ZNF552: variants seen among roughly 807,000 people sequenced by gnomAD.
The protein encoded by ZNF552 is zinc finger protein 552.
ZNF552 carries 2 observed loss-of-function variants against 7.2 expected under a neutral mutation model. The ratio of observed to expected loss-of-function variants is 0.28; its 90% CI spans 0.11 to 0.88. The LOEUF is 0.88. Ranked by LOEUF, ZNF552 falls within the 40% of genes least tolerant of loss-of-function variation. The probability of loss-of-function intolerance (pLI) is 0.60; values close to 1 mark genes in which losing one functional copy is unlikely to be tolerated. For synonymous variants in ZNF552, 173 were observed against 176.5 expected, an observed-to-expected ratio of 0.98 and a Z score of 0.16; for missense variants, 421 against 493.4, an observed-to-expected ratio of 0.85 and a Z score of 1.39.
intron 2 of ZNF552, among the ~76,000 whole-genome samples, chr19:57,812,425 A>C (rs1987874870): frequency 6.6e-6 from 1 of 152,106 alleles, no homozygotes; most frequent in Non-Finnish European, 1.5e-5. Context: ...TCTTCTGACC[A>C]CAGAAGATGA....
chr19:57,812,028 CAAAAAAAAA>C lies in ZNF552; in HGVS notation c.160+1257_160+1265del, dbSNP rs35699223. On this transcript the variant is annotated intron_variant, in intron 2 of 2. Transcript: ENST00000391701. The stretch of plus-strand genomic sequence containing the variant: ...TGGGCAACAAAGTGAGACTCTGTCT[CAAAAAAAAA>C]AAAAAAAAAAAAAATTAGCTGGGCA... Among the ~76,000 whole-genome samples, 494 of 63,762 alleles carry C rather than the reference CAAAAAAAAA, an allele frequency of 7.7e-3. 4 individuals carry two copies. The highest frequency in any genetic ancestry group is 0.029 in the African/African-American group (458 of 15,566). The allele number at this position is 63,762 out of a possible 152,430, so 41.8% of individuals were successfully genotyped here.
Position 57,807,949 on chromosome 19 carries a change from T to C in ZNF552, c.*91A>G, listed in dbSNP as rs1987772699. On this transcript the variant is annotated 3_prime_UTR_variant, in exon 3 of 3. Transcript: ENST00000391701. ...CTCCAATATCCAAGGAGAGCAGACC[T>C]TTGGGTAAACATTTTCCACATTTGC... 27 of 1,447,292 alleles carry C rather than the reference T, an allele frequency of 1.9e-5. No homozygotes were observed. In the South Asian group the frequency reaches 3.6e-4, roughly 19 times the overall value. The allele number at this position is 1,447,292 out of a possible 1,614,324, so 89.7% of individuals were successfully genotyped here.
chr19:57,808,047 C>A lies in ZNF552; in HGVS notation c.1217G>T (p.Gly406Val). ...RHHQRVHKRKGL is the reference protein window; with the variant it reads ...RHHQRVHKRKVL The stretch of plus-strand genomic sequence containing the variant: ...AGACTGGACTCACTGCACTCATAAG[C>A]CCTTTCTTTTGTGAACTCTCTGATG... The change falls in exon 3 of 3, where the codon GGC (glycine) becomes GTC (valine). Residue 406 changes from glycine (G) to valine (V), a missense_variant. By Grantham distance (109) the Gly-to-Val change is moderately radical (BLOSUM62 -3). Coordinates refer to ENST00000391701, the MANE Select transcript of ZNF552 (RefSeq NM_024762.3). The A allele has an allele frequency of 6.2e-7, 1 of 1,608,208 alleles. No individual in the cohort carries two copies. Among genetic ancestry groups the A allele is most frequent in the Middle Eastern group, 1.7e-4 (1 of 6,028 alleles).
In ZNF552 at chr19:57,811,102, G is replaced by A. The variant is rs376937295; in HGVS notation, c.161-1999C>T. ...CTGAAGGAACTCGGAGACTGGTGGC[G>A]GCAGGGGGAAGGCAGGGTTCCTCCG... is the stretch of plus-strand genomic sequence containing the variant. On this transcript the variant is annotated intron_variant, in intron 2 of 2. Coordinates refer to ENST00000391701, the MANE Select transcript of ZNF552 (RefSeq NM_024762.3). Among the ~76,000 whole-genome samples the A allele has an allele frequency of 2.1e-3, 313 of 152,136 alleles. 2 individuals are homozygous for A. Among genetic ancestry groups the A allele is most frequent in the African/African-American group, 7.1e-3 (296 of 41,498 alleles).
rs376998407 is a variant in ZNF552 at position 57,808,457 on chromosome 19, C to A, written c.807G>T (p.Thr269=). The A allele has an allele frequency of 6.2e-7, 1 of 1,613,838 alleles. No individual in the cohort carries two copies. The highest frequency in any genetic ancestry group is 1.7e-5 in the Admixed American group (1 of 60,000). ...TAAATAATTTCCCACATATCCCACA[C>A]GTATAAGGTTTTTCTCTAGTGTGAA... ...QGVHTREKPY[T]CGICGKLFNS... is the part of the protein sequence containing the mutation. Residue 269 remains threonine (T), a synonymous_variant, in exon 3 of 3, where the codon ACG becomes ACT. Transcript: ENST00000391701.
chr19:57,808,710 A>G lies in ZNF552; in HGVS notation c.554T>C (p.Leu185Pro). 6.2e-7 allele frequency: 1 copy of G among 1,614,150 alleles called. No homozygotes were observed. The change falls in exon 3 of 3, where the codon CTC becomes CCC. Residue 185 changes from leucine (L) to proline (P), a missense_variant. Physicochemically the swap from Leu to Pro is moderately conservative, Grantham distance 98 (BLOSUM62 -3). Coordinates refer to ENST00000391701, the MANE Select transcript of ZNF552 (RefSeq NM_024762.3). ...GKDFLLRSGL[L>P]QQEATHTGKS... ...CCCAGTGTGAGTGGCCTCTTGCTGG[A>G]GTAATCCTGACCTGAGCAAAAAGTC...
chr19:57,814,329 G>A, intron 1 of ZNF552: 2 of 637,948 alleles, frequency 3.1e-6, no homozygotes, highest in Non-Finnish European at 5.4e-6. Context: ...AACTTTAAAA[G>A]CCTGGACTTT....
chr19:57,810,451 A>G (rs1987832426), intron 2 of ZNF552, among the ~76,000 whole-genome samples: 1 of 152,198 alleles, frequency 6.6e-6, no homozygotes, highest in East Asian at 1.9e-4. Context: ...GTTAATCTGT[A>G]ACCCTACTCC....
intron 2 of ZNF552, among the ~76,000 whole-genome samples, chr19:57,812,713 C>T (rs536944463): frequency 3.9e-5 from 6 of 152,288 alleles, no homozygotes; most frequent in East Asian, 1.9e-4. Context: ...GGATTAAAAG[C>T]GTGTGCCACC....
In ZNF552 at chr19:57,807,903, G is replaced by A; in HGVS notation, c.*137C>T. The A allele has an allele frequency of 5.9e-6, 7 of 1,182,202 alleles. No individual in the cohort carries two copies. Among genetic ancestry groups the A allele is most frequent in the Non-Finnish European group, 5.8e-6 (5 of 855,520 alleles). 73.2% of individuals were successfully genotyped at this position (1,182,202 alleles called of 1,614,324 possible). Reference sequence around the variant, plus strand: ...TGCCCAAATTTATTTTACTTGTAAGGACTCTTCTCTAGTGTGAACTCTCCA... The same window carrying A: ...TGCCCAAATTTATTTTACTTGTAAGAACTCTTCTCTAGTGTGAACTCTCCA... On this transcript the variant is annotated 3_prime_UTR_variant, in exon 3 of 3. Coordinates refer to ENST00000391701, the MANE Select transcript of ZNF552 (RefSeq NM_024762.3).
rs748200835 is a variant in ZNF552 at position 57,814,748 on chromosome 19, C to T, written c.-5G>A. On this transcript the variant is annotated 5_prime_UTR_variant, in exon 1 of 3. Coordinates refer to ENST00000391701, the MANE Select transcript of ZNF552 (RefSeq NM_024762.3). ...CCTTAGCGCGGCCGCCGCCATGGGACCACGTGGGGTAAGCTGGGTTGAGAG... is the reference window on the plus strand; with the variant it reads ...CCTTAGCGCGGCCGCCGCCATGGGATCACGTGGGGTAAGCTGGGTTGAGAG... The T allele has an allele frequency of 6.2e-7, 1 of 1,613,858 alleles. No individual in the cohort carries two copies. The highest frequency in any genetic ancestry group is 8.5e-7 in the Non-Finnish European group (1 of 1,179,960).
At chr19:57,811,139 C>A (rs1036065820) in intron 2 of ZNF552, among the ~76,000 whole-genome samples, 1 of 151,318 alleles carries the variant, frequency 6.6e-6, no homozygotes, top group Non-Finnish European at 1.5e-5. Context: ...ATGCTGAGCG[C>A]CAGTCCCCTG....
rs1336903116 is a variant in ZNF552, at chr19:57,814,343, CCAGT to C, written c.33+364_33+367del. 9.1e-6 allele frequency: 6 copies of C among 662,912 alleles called. No individual in the cohort carries two copies. The African/African-American group carries it at 1.1e-4, about 12-fold the overall frequency. 41.1% of individuals were successfully genotyped at this position (662,912 alleles called of 1,614,324 possible). On this transcript the variant is annotated intron_variant, in intron 1 of 2. Coordinates refer to ENST00000391701, the MANE Select transcript of ZNF552 (RefSeq NM_024762.3). ...AAACTTTAAAAGCCTGGACTTTGATCCAGTCCCTTCTTTCTTGGAAATTCTCCTA... is the reference window on the plus strand; with the variant it reads ...AAACTTTAAAAGCCTGGACTTTGATCCCCTTCTTTCTTGGAAATTCTCCTA...
chr19:57,814,768 T>G lies in ZNF552; in HGVS notation c.-25A>C, dbSNP rs762976650. On this transcript the variant is annotated 5_prime_UTR_variant, in exon 1 of 3. Transcript: ENST00000391701. ...TGGGACCACGTGGGGTAAGCTGGGTTGAGAGCAGCGGGCGCCGTTAAAGAG... is the reference window on the plus strand; with the variant it reads ...TGGGACCACGTGGGGTAAGCTGGGTGGAGAGCAGCGGGCGCCGTTAAAGAG... 2 of 1,611,814 alleles carry G rather than the reference T, an allele frequency of 1.2e-6. No individual in the cohort carries two copies. The highest frequency in any genetic ancestry group is 3.4e-5 in the Admixed American group (2 of 59,356).
At chr19:57,813,026 A>C (rs576937598) in intron 2 of ZNF552, 3 of 497,342 alleles carry the variant, frequency 6.0e-6, no homozygotes, top group East Asian at 6.3e-5. Context: ...GGATGAAATC[A>C]CACAAACATC....
chr19:57,812,361 A>T (rs1987873944), intron 2 of ZNF552, among the ~76,000 whole-genome samples: 1 of 152,130 alleles, frequency 6.6e-6, no homozygotes, highest in African/African-American at 2.4e-5. Flanking sequence ...CTGTCCTAGG[A>T]TGCTATTTTT....
chr19:57,814,575 G>T (rs755283799), intron 1 of ZNF552, 136 bp downstream of exon 1: 87 of 1,560,222 alleles, frequency 5.6e-5, no homozygotes, highest in Non-Finnish European at 7.0e-5. Flanking sequence ...CTGAAACAGG[G>T]ATCCCTCCCG....
chr19:57,808,372 A>G lies in ZNF552; in HGVS notation c.892T>C (p.Cys298Arg). ...CTAAAAAATTTCTGACAAACCTCAC[A>G]CTCATATGGCTTCTCTCCAGTGTGA... The part of the protein sequence containing the change: ...RIHTGEKPYE[C>R]EVCQKFFRHK... The change falls in exon 3 of 3, where the codon TGT becomes CGT. Residue 298 changes from cysteine (C) to arginine (R), a missense_variant. Physicochemically the swap from Cys to Arg is radical, Grantham distance 180. Coordinates refer to ENST00000391701, the MANE Select transcript of ZNF552 (RefSeq NM_024762.3). 1 of 1,613,288 alleles carries G rather than the reference A, an allele frequency of 6.2e-7. No homozygotes were observed.
chr19:57,813,144 A>AG (rs1275900921), intron 2 of ZNF552, 150 bp downstream of exon 2: 1 of 1,297,886 alleles, frequency 7.7e-7, no homozygotes. Context: ...AAGAATGGAG[A>AG]GGGCAGTATG....
Sources: allele counts gnomAD v4.1 joint callset (sites outside exome capture counted in the v4.1 genomes callset), GRCh38; gene constraint gnomAD v4.1.1; transcripts MANE v1.5; gene names NCBI Gene and HGNC (gene_info 2026-07-23, HGNC 2026-07-21).